Variants in KHDRBS2 observed in about 807,000 individuals in gnomAD.
The protein encoded by KHDRBS2 is KH domain-containing, RNA-binding, signal transduction-associated protein 2.
KHDRBS2 carries 26 observed loss-of-function variants against 44.3 expected under a neutral mutation model. The observed-to-expected ratio is 0.59, with a 90% CI of 0.43 to 0.81. KHDRBS2 has a LOEUF of 0.81. KHDRBS2 is among the 40% of genes least tolerant of loss of function. KHDRBS2 has a pLI of 0.00. For synonymous variants in KHDRBS2, 194 were observed against 151.1 expected, an observed-to-expected ratio of 1.28 and a Z score of -2.08; for missense variants, 476 against 433.1, an observed-to-expected ratio of 1.10 and a Z score of -0.88.
At chr6:61,651,299 A>T in the KHDRBS2 span, among the ~76,000 whole-genome samples, 1 of 152,088 alleles carries the variant, frequency 6.6e-6, no homozygotes, top group African/African-American at 2.4e-5. Flanking sequence ...GCTATAATAG[A>T]TACTTGCTAC....
intron 2 of KHDRBS2, among the ~76,000 whole-genome samples, chr6:62,131,497 C>T (rs375585780): frequency 3.2e-4 from 48 of 152,228 alleles, no homozygotes; most frequent in African/African-American, 1.1e-3. Context: ...TCTGAAGGAA[C>T]GAGGGAGCCG....
intron 2 of KHDRBS2, among the ~76,000 whole-genome samples, chr6:62,131,262 G>T (rs1293508169): frequency 1.3e-5 from 2 of 152,140 alleles, no homozygotes; most frequent in Non-Finnish European, 2.9e-5. Flanking sequence ...ACATCTCTTG[G>T]AGTCTTAGCT....
intron 1 of KHDRBS2, among the ~76,000 whole-genome samples, chr6:62,234,982 A>G (rs1038795897): frequency 1.3e-5 from 2 of 151,864 alleles, no homozygotes; most frequent in African/African-American, 4.8e-5. Flanking sequence ...GGTTTTATTC[A>G]TGATAAAAAA....
the KHDRBS2 span, among the ~76,000 whole-genome samples, chr6:61,653,858 A>C: frequency 2.7e-5 from 4 of 150,720 alleles, no homozygotes; most frequent in Admixed American, 6.7e-5. Flanking sequence ...ATGGTGAAAA[A>C]ATTTATAAAA....
At chr6:62,156,384 T>C (rs1477723825) in intron 2 of KHDRBS2, among the ~76,000 whole-genome samples, 2 of 152,142 alleles carry the variant, frequency 1.3e-5, no homozygotes, top group East Asian at 1.9e-4. Context: ...CAATAAAGCA[T>C]TTATTTGGCC....
chr6:62,065,470 C>A (rs1793388649), intron 2 of KHDRBS2, among the ~76,000 whole-genome samples: 1 of 151,656 alleles, frequency 6.6e-6, no homozygotes, highest in South Asian at 2.1e-4. Flanking sequence ...ATGATGAGTT[C>A]ATATCCTTTG....
At chr6:61,935,805 T>C (rs1452781352) in intron 4 of KHDRBS2, among the ~76,000 whole-genome samples, 2 of 152,096 alleles carry the variant, frequency 1.3e-5, no homozygotes, top group Non-Finnish European at 2.9e-5. Context: ...TGGAGATAAA[T>C]TGCATGGTTC....
chr6:62,136,224 A>G (rs1451632430), intron 2 of KHDRBS2, among the ~76,000 whole-genome samples: 1 of 152,210 alleles, frequency 6.6e-6, no homozygotes, highest in Non-Finnish European at 1.5e-5. Flanking sequence ...TACATTAGAA[A>G]AACTTTATTT....
intron 4 of KHDRBS2, among the ~76,000 whole-genome samples, chr6:61,934,894 T>C (rs1320480868): frequency 6.6e-6 from 1 of 152,156 alleles, no homozygotes; most frequent in African/African-American, 2.4e-5. Flanking sequence ...ATGGGATTTC[T>C]TTAGGGAAAC....
At chr6:61,892,772 A>C (rs1365261549) in intron 6 of KHDRBS2, among the ~76,000 whole-genome samples, 2 of 152,226 alleles carry the variant, frequency 1.3e-5, no homozygotes, top group Non-Finnish European at 2.9e-5. Flanking sequence ...TAAAGACTTA[A>C]ATGTTAGACC....
chr6:61,832,651 A>T (rs1792010722), intron 6 of KHDRBS2, among the ~76,000 whole-genome samples: 1 of 152,172 alleles, frequency 6.6e-6, no homozygotes, highest in African/African-American at 2.4e-5. Context: ...GGCAACTAGC[A>T]CTTTGTTTGT....
chr6:61,637,491 C>T, the KHDRBS2 span, among the ~76,000 whole-genome samples: 1 of 152,138 alleles, frequency 6.6e-6, no homozygotes, highest in Non-Finnish European at 1.5e-5. Context: ...CCACAATAAA[C>T]ATATGTGTGC....
chr6:61,547,739 A>G, the KHDRBS2 span, among the ~76,000 whole-genome samples: 3 of 152,288 alleles, frequency 2.0e-5, no homozygotes, highest in East Asian at 1.9e-4. Context: ...AATCTTCTCA[A>G]ATAATTCTGA....
Position 62,168,571 on chromosome 6 carries a change from T to A in KHDRBS2, c.219+8614A>T, listed in dbSNP as rs570313410. On this transcript the variant is annotated intron_variant, in intron 2 of 8. Transcript: ENST00000281156. ...GCACAGCTTGTGCCATTTAGGTATA[T>A]CTTGGTTTATTAGATCCTGCAAGGC... is the stretch of plus-strand genomic sequence containing the variant. Among the ~76,000 whole-genome samples, 6 of 152,260 alleles carry A rather than the reference T, an allele frequency of 3.9e-5. No individual in the cohort carries two copies. The South Asian group carries it at 1.2e-3, about 32-fold the overall frequency.
intron 6 of KHDRBS2, among the ~76,000 whole-genome samples, chr6:61,764,129 C>T (rs1227416825): frequency 2.0e-5 from 3 of 152,124 alleles, no homozygotes; most frequent in Non-Finnish European, 4.4e-5. Flanking sequence ...CAATGGCTTC[C>T]AGCTCCATCC....
chr6:61,941,273 C>T (rs978068146), intron 4 of KHDRBS2, among the ~76,000 whole-genome samples: 1 of 152,160 alleles, frequency 6.6e-6, no homozygotes, highest in African/African-American at 2.4e-5. Context: ...CTGGCCTGCA[C>T]ATTACATTAC....
intron 1 of KHDRBS2, among the ~76,000 whole-genome samples, chr6:62,220,009 T>G (rs1830635366): frequency 6.7e-6 from 1 of 150,140 alleles, no homozygotes; most frequent in Admixed American, 6.6e-5. Flanking sequence ...GTTTGAAATT[T>G]TTAAAAATAA....
intron 1 of KHDRBS2, among the ~76,000 whole-genome samples, chr6:62,180,155 G>A (rs1431193961): frequency 1.3e-5 from 2 of 151,708 alleles, no homozygotes; most frequent in African/African-American, 2.4e-5. Flanking sequence ...GGGATGCCCC[G>A]TCTTACAACT....
chr6:61,891,859 C>T (rs1801905132), intron 6 of KHDRBS2, among the ~76,000 whole-genome samples: 2 of 152,160 alleles, frequency 1.3e-5, no homozygotes, highest in Non-Finnish European at 2.9e-5. Context: ...GATGCCCTCT[C>T]TCACCACTCC....
Sources: gnomAD v4.1 joint callset for allele counts (sites outside exome capture counted in the v4.1 genomes callset) on GRCh38, gnomAD v4.1.1 for gene constraint, MANE v1.5 for transcripts, NCBI Gene and HGNC (gene_info 2026-07-23, HGNC 2026-07-21) for gene names.